ESRRG: variants seen among roughly 807,000 people sequenced by gnomAD.
ESRRG encodes estrogen related receptor gamma.
A neutral mutation model predicts 44.0 loss-of-function variants in ESRRG; 13 were observed. That is an observed-to-expected ratio of 0.30 (90% CI 0.19 to 0.47). The LOEUF is 0.47. ESRRG is among the 20% of genes least tolerant of loss of function. The probability of loss-of-function intolerance (pLI) is 1.00; values close to 1 mark genes in which losing one functional copy is unlikely to be tolerated. For synonymous variants in ESRRG, 215 were observed against 214.6 expected, an observed-to-expected ratio of 1.00 and a Z score of -0.02; for missense variants, 395 against 580.6, an observed-to-expected ratio of 0.68 and a Z score of 3.29.
chr1:216,854,928 G>A (rs1336463993), intron 2 of ESRRG: 1 of 152,116 alleles, frequency 6.6e-6, no homozygotes, highest in African/African-American at 2.4e-5. Context: ...TGCTCATAAA[G>A]CATAGAATTT....
chr1:216,581,576 A>G (rs1452287780), intron 3 of ESRRG, among the ~76,000 whole-genome samples: 2 of 152,188 alleles, frequency 1.3e-5, no homozygotes, highest in African/African-American at 2.4e-5. Flanking sequence ...ACAAATTCAG[A>G]CAACTACAGG....
chr1:216,700,660 G>T (rs1056574105), intron 1 of ESRRG, among the ~76,000 whole-genome samples: 1 of 152,156 alleles, frequency 6.6e-6, no homozygotes, highest in African/African-American at 2.4e-5. Flanking sequence ...CAAAAGATAG[G>T]AGAAACTGAA....
chr1:216,683,144 G>C (rs961360989), intron 1 of ESRRG, among the ~76,000 whole-genome samples: 1 of 152,060 alleles, frequency 6.6e-6, no homozygotes, highest in African/African-American at 2.4e-5. Flanking sequence ...ATTGCATTAA[G>C]GTACACTGGC....
At chr1:216,582,544 G>A (rs2062993793) in intron 3 of ESRRG, among the ~76,000 whole-genome samples, 1 of 152,030 alleles carries the variant, frequency 6.6e-6, no homozygotes, top group Non-Finnish European at 1.5e-5. Flanking sequence ...AGGTTCCAGC[G>A]ATTCTCTTGC....
chr1:216,587,288 G>A (rs931966572), intron 3 of ESRRG, among the ~76,000 whole-genome samples: 1 of 152,154 alleles, frequency 6.6e-6, no homozygotes, highest in African/African-American at 2.4e-5. Context: ...TCTATACCTT[G>A]ATTACAGTAT....
intron 2 of ESRRG, among the ~76,000 whole-genome samples, chr1:216,773,566 A>C (rs919706405): frequency 1.3e-5 from 2 of 152,132 alleles, no homozygotes; most frequent in African/African-American, 4.8e-5. Context: ...GACAAAAAAG[A>C]AAATAAGAAG....
rs180800388 is a variant in ESRRG, at chr1:216,689,044, C to A, written c.57-11553G>T. On this transcript the variant is annotated intron_variant, in intron 1 of 6. Transcript: ENST00000408911. ...ACATCCTTTTGATTCGCCATTGCTTCTACTCTTAGCCAATATAATAACTGG... is the reference window on the plus strand; with the variant it reads ...ACATCCTTTTGATTCGCCATTGCTTATACTCTTAGCCAATATAATAACTGG... Among the ~76,000 whole-genome samples, 258 of 152,278 alleles carry A rather than the reference C, an allele frequency of 1.7e-3. 2 individuals are homozygous for A. The highest frequency in any genetic ancestry group is 6.2e-3 in the African/African-American group (257 of 41,552).
chr1:216,764,601 A>T (rs1228334249), intron 2 of ESRRG, among the ~76,000 whole-genome samples: 1 of 152,002 alleles, frequency 6.6e-6, no homozygotes, highest in Admixed American at 6.6e-5. Flanking sequence ...GGTCTCAAGC[A>T]AACTTCCCTC....
Position 217,002,263 on chromosome 1 carries a change from C to T in ESRRG, c.-105-62590G>A, listed in dbSNP as rs534630493. On this transcript the variant is annotated intron_variant, in intron 1 of 7. Transcript: ENST00000359162. ...CTGGCAGTGAGCCGAGATAGTGCCA[C>T]TGCACTCCAGCCTGGGCATCAGAGT... 4.2e-5 allele frequency among the ~76,000 whole-genome samples: 6 copies of T among 141,388 alleles called. No homozygotes were observed. The South Asian group carries it at 1.3e-3, about 31-fold the overall frequency. The allele number at this position is 141,388 out of a possible 152,430, so 92.8% of individuals were successfully genotyped here.
At chr1:216,995,654 G>A (rs140016826) in intron 1 of ESRRG, among the ~76,000 whole-genome samples, 4 of 152,256 alleles carry the variant, frequency 2.6e-5, no homozygotes, top group Non-Finnish European at 4.4e-5. Flanking sequence ...TATTCTTATA[G>A]CCCTATCATT....
chr1:216,912,171 AAAAGAAAAGAAAAGGAGAGG>A lies in ESRRG; in HGVS notation c.-14+27391_-14+27410del, dbSNP rs2060466313. Among the ~76,000 whole-genome samples the A allele has an allele frequency of 1.2e-3, 42 of 33,730 alleles. 1 individual carries two copies. The highest frequency in any genetic ancestry group is 2.0e-3 in the African/African-American group (11 of 5,582). The allele number at this position is 33,730 out of a possible 152,430, so 22.1% of individuals were successfully genotyped here. A position where few individuals can be genotyped will look rare whatever the true frequency, so the allele number is the denominator to read the frequency against. The stretch of plus-strand genomic sequence containing the variant: ...AAAAGAAAAGAAAAGAAAAGAAAAG[AAAAGAAAAGAAAAGGAGAGG>A]AGAGGAGAGGAGAGGAGAGGAGAGG... On this transcript the variant is annotated intron_variant, in intron 2 of 7. Transcript: ENST00000359162.
At chr1:216,904,649 G>A (rs952694184) in intron 2 of ESRRG, among the ~76,000 whole-genome samples, 1 of 152,176 alleles carries the variant, frequency 6.6e-6, no homozygotes, top group Non-Finnish European at 1.5e-5. Flanking sequence ...AGAATGAGAT[G>A]TTCAACGAGA....
intron 5 of ESRRG, among the ~76,000 whole-genome samples, chr1:216,544,422 A>G (rs1260030241): frequency 6.6e-6 from 1 of 151,998 alleles, no homozygotes; most frequent in Non-Finnish European, 1.5e-5. Flanking sequence ...TCAGGTACCA[A>G]TCAGGAGATC....
chr1:216,735,987 A>AAAAATATATAT lies in ESRRG; in HGVS notation c.-13-58497_-13-58496insATATATATTTT, dbSNP rs1453476198. Among the ~76,000 whole-genome samples, 152 of 137,106 alleles carry AAAAATATATAT rather than the reference A, an allele frequency of 1.1e-3. 1 individual carries two copies. Among genetic ancestry groups the AAAAATATATAT allele is most frequent in the African/African-American group, 3.9e-3 (146 of 37,358 alleles). The allele number at this position is 137,106 out of a possible 152,430, so 89.9% of individuals were successfully genotyped here. Reference sequence around the variant, plus strand: ...AGCAATACTCCCCATCTCAAAAAAAAATATATATATATATATATATACACA... The same window carrying AAAAATATATAT: ...AGCAATACTCCCCATCTCAAAAAAAAAAAATATATATATATATATATATATATATATACACA... On this transcript the variant is annotated intron_variant, in intron 2 of 7. Coordinates refer to the ESRRG transcript ENST00000359162.
intron 2 of ESRRG, among the ~76,000 whole-genome samples, chr1:216,666,340 T>C (rs2073920271): frequency 6.6e-6 from 1 of 152,246 alleles, no homozygotes; most frequent in South Asian, 2.1e-4. Flanking sequence ...ACTGGAGGAA[T>C]GGCTTTTATT....
At chr1:216,590,310 C>T (rs2057435597) in intron 3 of ESRRG, among the ~76,000 whole-genome samples, 1 of 152,002 alleles carries the variant, frequency 6.6e-6, no homozygotes, top group Non-Finnish European at 1.5e-5. Flanking sequence ...TGGTATGGAA[C>T]TGGATTAGTT....
At chr1:216,708,511 G>A (rs544734846) in intron 1 of ESRRG, among the ~76,000 whole-genome samples, 1 of 152,218 alleles carries the variant, frequency 6.6e-6, no homozygotes, top group African/African-American at 2.4e-5. Context: ...AAACCAAAAC[G>A]AGATACCATC....
intron 1 of ESRRG, among the ~76,000 whole-genome samples, chr1:217,063,552 A>G (rs753682702): frequency 4.6e-5 from 7 of 152,210 alleles, no homozygotes; most frequent in Non-Finnish European, 7.3e-5. Flanking sequence ...AGGGCTGCTT[A>G]TAAACTGGGA....
At chr1:217,002,498 A>G (rs1210898908) in intron 1 of ESRRG, among the ~76,000 whole-genome samples, 1 of 152,052 alleles carries the variant, frequency 6.6e-6, no homozygotes, top group Non-Finnish European at 1.5e-5. Flanking sequence ...ACACATATAC[A>G]GTATATTAAT....
Sources: gnomAD v4.1 joint callset for allele counts (sites outside exome capture counted in the v4.1 genomes callset) on GRCh38, gnomAD v4.1.1 for gene constraint, MANE v1.5 for transcripts, NCBI Gene and HGNC (gene_info 2026-07-23, HGNC 2026-07-21) for gene names.